TEX11: variants seen among roughly 807,000 people sequenced by gnomAD.
The protein encoded by TEX11 is testis-expressed protein 11.
In TEX11, 7 loss-of-function variants were observed where a neutral mutation model predicts 84.4. That is an observed-to-expected ratio of 0.08 (90% CI 0.05 to 0.16). The LOEUF (loss-of-function observed/expected upper bound fraction) is 0.16. TEX11 is among the 10% of genes least tolerant of loss of function. The pLI is 1.00. For missense variants in TEX11, 551 were observed against 660.5 expected (o/e 0.83, Z 1.82); for synonymous variants, 264 against 222.8 (o/e 1.18, Z -1.64).
At chrX:70,721,922 T>C (rs185470738) in intron 13 of TEX11, among the ~76,000 whole-genome samples, 1 of 111,753 alleles carries the variant, frequency 8.9e-6, no homozygotes, top group East Asian at 2.8e-4. Flanking sequence ...CACTGCATGA[T>C]AGAAGTGAAA....
chrX:70,902,485 T>C (rs1055589729), intron 2 of TEX11, among the ~76,000 whole-genome samples: 13 of 111,648 alleles, frequency 1.2e-4, no homozygotes, highest in Admixed American at 4.8e-4. Flanking sequence ...ATAATAAATT[T>C]ACCTTAGCTT....
chrX:70,744,885 T>A (rs981785034), intron 9 of TEX11, among the ~76,000 whole-genome samples: 3 of 108,433 alleles, frequency 2.8e-5, no homozygotes, highest in Admixed American at 2.0e-4. Flanking sequence ...TAATTTTTTT[T>A]TTTTTTTGTA....
the TEX11 span, among the ~76,000 whole-genome samples, chrX:70,514,789 C>T: frequency 1.8e-5 from 2 of 110,300 alleles, no homozygotes; most frequent in Non-Finnish European, 3.8e-5. Flanking sequence ...GACATTTGGC[C>T]AGGCACGGTG....
intron 8 of TEX11, among the ~76,000 whole-genome samples, chrX:70,810,615 G>A (rs1243048873): frequency 4.5e-5 from 5 of 110,731 alleles, no homozygotes; most frequent in African/African-American, 6.6e-5. Flanking sequence ...GACACAGGGA[G>A]GGGAACATCA....
intron 7 of TEX11, among the ~76,000 whole-genome samples, chrX:70,840,422 C>T (rs2091435440): frequency 1.8e-5 from 2 of 111,332 alleles, no homozygotes. Context: ...TACAGACAAG[C>T]AAATGCTGAG....
chrX:70,656,821 T>C (rs1289962105), intron 16 of TEX11, among the ~76,000 whole-genome samples: 2 of 112,164 alleles, frequency 1.8e-5, no homozygotes, highest in Admixed American at 1.9e-4. Flanking sequence ...TTCTCCATTA[T>C]TGAGTGAGTG....
Position 70,553,316 on chromosome X carries a change from A to G in TEX11, c.2389T>C (p.Ser797Pro). Residue 797 changes from serine (S) to proline (P), a missense_variant, in exon 27 of 30, where the codon TCA becomes CCA. Physicochemically the swap from Ser to Pro is moderately conservative, Grantham distance 74. Transcript: ENST00000374333. ...ATTGTATTTACTAACCTGTATTGTGATATATCAATTGGTTCTTCCTTTTTG... is the reference window on the plus strand; with the variant it reads ...ATTGTATTTACTAACCTGTATTGTGGTATATCAATTGGTTCTTCCTTTTTG... The part of the protein sequence containing the change: ...LYKKEEPIDI[S>P]QYSKCMHNLV... 8.4e-7 allele frequency: 1 copy of G among 1,190,604 alleles called. No individual in the cohort carries two copies. The highest frequency in any genetic ancestry group is 1.1e-6 in the Non-Finnish European group (1 of 878,722).
chrX:70,842,954 A>C (rs1341093645), intron 7 of TEX11, among the ~76,000 whole-genome samples: 1 of 111,826 alleles, frequency 8.9e-6, no homozygotes, highest in East Asian at 2.8e-4. Flanking sequence ...GGAGAACTAC[A>C]AACCACTGCT....
chrX:70,752,537 A>G (rs1272959899), intron 9 of TEX11, among the ~76,000 whole-genome samples: 89 of 107,788 alleles, frequency 8.3e-4, no homozygotes, highest in African/African-American at 2.9e-3. Context: ...AAAAAAAAAA[A>G]AAAAAAAAGA....
chrX:70,633,075 T>C (rs1401346156), intron 17 of TEX11, among the ~76,000 whole-genome samples: 3 of 111,668 alleles, frequency 2.7e-5, no homozygotes, highest in Non-Finnish European at 5.6e-5. Context: ...CCCTATGAAG[T>C]CAGTATTACT....
At chrX:70,874,188 C>T (rs2091643763) in intron 3 of TEX11, among the ~76,000 whole-genome samples, 2 of 110,706 alleles carry the variant, frequency 1.8e-5, no homozygotes, top group African/African-American at 6.6e-5. Context: ...GATGCCAGTG[C>T]CATGCTTCTT....
In TEX11 at chrX:70,678,892, G is replaced by GAA. The variant is rs55853716; in HGVS notation, c.1157-5_1157-4dup. ...CAGTTGTCTTCCTGTTTGGTGAGCT[G>GAA]AAAAAAAAAAAAAGCTCTGAAAATA... On this transcript the variant is annotated splice_region_variant and splice_polypyrimidine_tract_variant and intron_variant, in intron 14 of 29. Transcript: ENST00000374333. The GAA allele has an allele frequency of 2.3e-6, 2 of 882,185 alleles. No individual in the cohort carries two copies. The highest frequency in any genetic ancestry group is 1.5e-6 in the Non-Finnish European group (1 of 650,379). The allele number at this position is 882,185 out of a possible 1,213,427, so 72.7% of individuals were successfully genotyped here. A position where few individuals can be genotyped will look rare whatever the true frequency, so the allele number is the denominator to read the frequency against.
At chrX:70,757,144 C>G (rs1222245868) in intron 9 of TEX11, among the ~76,000 whole-genome samples, 1 of 112,131 alleles carries the variant, frequency 8.9e-6, no homozygotes, top group African/African-American at 3.2e-5. Flanking sequence ...CTACGTTTGA[C>G]TGGTGTTCCT....
At chrX:70,654,525 G>T in intron 16 of TEX11, among the ~76,000 whole-genome samples, 1 of 109,480 alleles carries the variant, frequency 9.1e-6, no homozygotes, top group East Asian at 2.9e-4. Flanking sequence ...AGCCTGGCCA[G>T]CATGGTGAAA....
At chrX:70,862,277 T>C (rs778614063) in intron 4 of TEX11, among the ~76,000 whole-genome samples, 7 of 112,255 alleles carry the variant, frequency 6.2e-5, no homozygotes, top group Non-Finnish European at 9.4e-5. Flanking sequence ...AATTATAACC[T>C]CTTTATTTCT....
intron 17 of TEX11, among the ~76,000 whole-genome samples, chrX:70,640,704 C>T (rs2089644516): frequency 1.8e-5 from 2 of 109,080 alleles, no homozygotes; most frequent in Non-Finnish European, 3.8e-5. Context: ...AAATACTTTA[C>T]AGACAAGCAA....
At chrX:70,894,057 G>C (rs2091753602) in intron 2 of TEX11, among the ~76,000 whole-genome samples, 1 of 111,286 alleles carries the variant, frequency 9.0e-6, no homozygotes, top group African/African-American at 3.3e-5. Context: ...CCAATAACAA[G>C]TTCTGAAATT....
At chrX:70,785,061 A>T (rs2091068877) in intron 9 of TEX11, among the ~76,000 whole-genome samples, 1 of 112,036 alleles carries the variant, frequency 8.9e-6, no homozygotes, top group Admixed American at 9.5e-5. Context: ...GCATCACACT[A>T]CCTGACTTCA....
chrX:70,557,307 A>T (rs1437845529), intron 25 of TEX11, among the ~76,000 whole-genome samples: 2 of 41,863 alleles, frequency 4.8e-5, no homozygotes, highest in Admixed American at 2.5e-4. Flanking sequence ...CATCTCTATA[A>T]AAAAAAAAAA....
Sources: allele counts gnomAD v4.1 joint callset (sites outside exome capture counted in the v4.1 genomes callset), GRCh38; gene constraint gnomAD v4.1.1; transcripts MANE v1.5; gene names NCBI Gene and HGNC (gene_info 2026-07-23, HGNC 2026-07-21).